NHSL3: variants seen among roughly 807,000 people sequenced by gnomAD.
NHSL3 encodes NHS-like protein 3.
At chr1:32,744,046 T>G in the NHSL3 span, among the ~76,000 whole-genome samples, 1 of 152,168 alleles carries the variant, frequency 6.6e-6, no homozygotes, top group Non-Finnish European at 1.5e-5. Context: ...TAATCTCCAC[T>G]GGCAACGCTG....
the NHSL3 span, among the ~76,000 whole-genome samples, chr1:32,766,772 A>AG: frequency 2.0e-5 from 3 of 152,234 alleles, no homozygotes; most frequent in South Asian, 2.1e-4. Context: ...TTTCATTTAA[A>AG]GGGGGGGCTG....
chr1:32,774,363 T>C, the NHSL3 span: 2 of 152,304 alleles, frequency 1.3e-5, no homozygotes, highest in African/African-American at 4.8e-5. Context: ...TGTTTTCCAC[T>C]AGTCACTACT....
At chr1:32,741,982 C>G in the NHSL3 span, 1 of 1,176,444 alleles carries the variant, frequency 8.5e-7, no homozygotes, top group Non-Finnish European at 1.1e-6. This position sits in a 1 kb window ranked among gnomAD's most constrained non-coding sequence, Gnocchi z 4.3. Context: ...CCCCGCCGCA[C>G]CTGCGGCCGA....
the NHSL3 span, chr1:32,742,166 A>C: frequency 8.0e-7 from 1 of 1,247,718 alleles, no homozygotes; most frequent in South Asian, 3.3e-5. Context: ...GACAAGGCCA[A>C]GAGGGCCAAG....
the NHSL3 span, chr1:32,742,088 G>A: frequency 8.0e-7 from 1 of 1,253,508 alleles, no homozygotes; most frequent in South Asian, 3.1e-5. Context: ...CGGGGCAAGC[G>A]GCGCAAGAAG....
At chr1:32,747,347 G>A in the NHSL3 span, among the ~76,000 whole-genome samples, 1 of 151,958 alleles carries the variant, frequency 6.6e-6, no homozygotes, top group Non-Finnish European at 1.5e-5. Context: ...GCTAATTTTT[G>A]TATTTTTAGT....
At chr1:32,772,966 G>C in the NHSL3 span, 3 of 1,399,400 alleles carry the variant, frequency 2.1e-6, no homozygotes, top group Non-Finnish European at 3.0e-6. Context: ...AAGGACGAGA[G>C]GATACAGCAG....
At chr1:32,772,792 C>A in the NHSL3 span, 1 of 1,429,100 alleles carries the variant, frequency 7.0e-7, no homozygotes, top group Non-Finnish European at 9.9e-7. Context: ...TGAGGGTATG[C>A]TTTGTTGGGC....
At chr1:32,765,501 G>T in the NHSL3 span, 1 of 698,550 alleles carries the variant, frequency 1.4e-6, no homozygotes, top group Non-Finnish European at 2.3e-6. Context: ...CTGGAGCAGA[G>T]CACCCACGGA....
At chr1:32,749,385 G>T in the NHSL3 span, among the ~76,000 whole-genome samples, 1 of 152,204 alleles carries the variant, frequency 6.6e-6, no homozygotes, top group Non-Finnish European at 1.5e-5. Context: ...GCCTGGCTAA[G>T]TGGCCTTGGA....
chr1:32,755,591 T>A, the NHSL3 span, among the ~76,000 whole-genome samples: 1 of 152,206 alleles, frequency 6.6e-6, no homozygotes, highest in Non-Finnish European at 1.5e-5. Flanking sequence ...CCTAGGTGAC[T>A]TCTTGGGACA....
the NHSL3 span, among the ~76,000 whole-genome samples, chr1:32,757,388 C>T: frequency 6.0e-4 from 90 of 150,314 alleles, 1 homozygote; most frequent in Non-Finnish European, 1.5e-4. Context: ...AGTGGAGGCT[C>T]AGAGACTGTT....
chr1:32,753,654 TG>T, the NHSL3 span, among the ~76,000 whole-genome samples: 1 of 152,234 alleles, frequency 6.6e-6, no homozygotes, highest in Admixed American at 6.5e-5. Flanking sequence ...TCGATACATT[TG>T]TACACACAGG....
chr1:32,771,717 T>C, the NHSL3 span: 2 of 1,613,294 alleles, frequency 1.2e-6, no homozygotes, highest in East Asian at 2.2e-5. Context: ...CTCCTGCTAG[T>C]TCCGCCCCAG....
At chr1:32,760,650 G>T in the NHSL3 span, among the ~76,000 whole-genome samples, 1 of 151,532 alleles carries the variant, frequency 6.6e-6, no homozygotes, top group East Asian at 1.9e-4. Flanking sequence ...GAGTGCAATG[G>T]CGTGGTCTTG....
At chr1:32,769,937 C>G in the NHSL3 span, 1 of 1,607,260 alleles carries the variant, frequency 6.2e-7, no homozygotes, top group South Asian at 1.1e-5. Context: ...GCACGGGATG[C>G]CGTACGCATC....
chr1:32,744,635 GA>G, the NHSL3 span, among the ~76,000 whole-genome samples: 1 of 152,138 alleles, frequency 6.6e-6, no homozygotes, highest in Admixed American at 6.5e-5. Flanking sequence ...GAGAGTATCA[GA>G]ATCAGGCCAA....
chr1:32,772,074 C>T, the NHSL3 span: 95 of 1,612,630 alleles, frequency 5.9e-5, 1 homozygote, highest in South Asian at 1.8e-4. Flanking sequence ...CTCCCCAGTC[C>T]CCTGCCTCAA....
chr1:32,771,745 C>T, the NHSL3 span: 22 of 1,613,832 alleles, frequency 1.4e-5, no homozygotes, highest in Admixed American at 1.5e-4. Context: ...GGCCAAGCTC[C>T]CTCAGAAGGA....
Sources: allele counts gnomAD v4.1 joint callset (sites outside exome capture counted in the v4.1 genomes callset), GRCh38; gene constraint gnomAD v4.1.1; non-coding constraint Gnocchi (gnomAD v3.1); transcripts MANE v1.5; gene names NCBI Gene and HGNC (gene_info 2026-07-23, HGNC 2026-07-21).